PHACTR2: variants seen among roughly 807,000 people sequenced by gnomAD.
PHACTR2 encodes chromosome 6 open reading frame 56.
A neutral mutation model predicts 76.0 loss-of-function variants in PHACTR2; 30 were observed. The ratio of observed to expected loss-of-function variants is 0.39; its 90% CI spans 0.30 to 0.54. The LOEUF (loss-of-function observed/expected upper bound fraction) is 0.54, where lower values mean the gene tolerates loss of function less well. Among genes scored for constraint, PHACTR2 ranks in the 20% least tolerant of loss-of-function variants. The pLI, the probability that PHACTR2 is intolerant of heterozygous loss-of-function variation, is 0.61. For synonymous variants in PHACTR2, 292 were observed against 292.5 expected, an observed-to-expected ratio of 1.00 and a Z score of 0.02; for missense variants, 696 against 781.1, an observed-to-expected ratio of 0.89 and a Z score of 1.30.
rs1776119584 is a variant in PHACTR2, at chr6:143,619,781, C to T, written c.13+11459C>T. ...ACCCTCCATTTTTAAAGCAGCTTGA[C>T]TTGGGGCATTTTTAATAAGGGGATA... On this transcript the variant is annotated intron_variant, in intron 1 of 11. Transcript: ENST00000305766. The surrounding 1 kb of genome is among the most constrained non-coding windows in gnomAD (Gnocchi z 4.5). Among the ~76,000 whole-genome samples, 1 of 152,170 alleles carries T rather than the reference C, an allele frequency of 6.6e-6. No homozygotes were observed. The highest frequency in any genetic ancestry group is 2.4e-5 in the African/African-American group (1 of 41,446).
rs980011312 is a variant in PHACTR2, at chr6:143,710,863, T to A, written c.47-1153T>A. Among the ~76,000 whole-genome samples, 1 of 152,250 alleles carries A rather than the reference T, an allele frequency of 6.6e-6. No individual in the cohort carries two copies. The highest frequency in any genetic ancestry group is 1.5e-5 in the Non-Finnish European group (1 of 68,040). ...ACGCCTCATATGCGTATCTACCAGC[T>A]GGATTCAACACTTAACATTTTGCTA... is the stretch of plus-strand genomic sequence containing the variant. On this transcript the variant is annotated intron_variant, in intron 1 of 12. Transcript: ENST00000440869. This position sits in a 1 kb window ranked among gnomAD's most constrained non-coding sequence, Gnocchi z 4.9.
intron 2 of PHACTR2, among the ~76,000 whole-genome samples, chr6:143,727,744 G>A (rs1258202422): frequency 4.9e-5 from 6 of 122,074 alleles, no homozygotes; most frequent in South Asian, 5.7e-4. Flanking sequence ...CCATTTGTAT[G>A]TGTTTTTGAG....
intron 1 of PHACTR2, among the ~76,000 whole-genome samples, chr6:143,657,751 A>T (rs1227811747): frequency 1.3e-5 from 2 of 152,180 alleles, no homozygotes; most frequent in Non-Finnish European, 2.9e-5. Flanking sequence ...TCTGTCAGTT[A>T]TCTCAAGGTG....
intron 2 of PHACTR2, among the ~76,000 whole-genome samples, chr6:143,734,644 CT>C (rs1250083341): frequency 1.3e-5 from 2 of 152,104 alleles, no homozygotes; most frequent in Admixed American, 6.5e-5. Flanking sequence ...CTTGCTTTCC[CT>C]TTTTTTTCCA....
chr6:143,718,270 TAA>T (rs1778346059), intron 2 of PHACTR2, among the ~76,000 whole-genome samples: 9 of 152,334 alleles, frequency 5.9e-5, no homozygotes, highest in Admixed American at 1.3e-4. Flanking sequence ...TGATTCATAT[TAA>T]CTCACTAAAT....
intron 1 of PHACTR2, among the ~76,000 whole-genome samples, chr6:143,682,947 A>G (rs1413609620): frequency 6.6e-6 from 1 of 152,098 alleles, no homozygotes; most frequent in Non-Finnish European, 1.5e-5. Context: ...AGGTGATCAT[A>G]TGGTTTTTGT....
chr6:143,598,662 A>G lies in PHACTR2; in HGVS notation c.217+61455A>G, dbSNP rs1020292089. Among the ~76,000 whole-genome samples the G allele has an allele frequency of 1.3e-5, 2 of 152,328 alleles. No individual in the cohort carries two copies. The highest frequency in any genetic ancestry group is 2.1e-4 in the South Asian group (1 of 4,830). On this transcript the variant is annotated intron_variant, in intron 1 of 11. Transcript: ENST00000367584. The surrounding 1 kb of genome is among the most constrained non-coding windows in gnomAD (Gnocchi z 4.1). ...CCACATGGCTTCCCCTTCCTGGCCT[A>G]TGTCCCTGTGGATATGTTAGAACCT...
In PHACTR2 at chr6:143,664,099, T is replaced by C. The variant is rs1483156979; in HGVS notation, c.14-47917T>C. Among the ~76,000 whole-genome samples, 4 of 152,166 alleles carry C rather than the reference T, an allele frequency of 2.6e-5. No individual in the cohort carries two copies. The highest frequency in any genetic ancestry group is 5.9e-5 in the Non-Finnish European group (4 of 67,998). On this transcript the variant is annotated intron_variant, in intron 1 of 11. Coordinates refer to the PHACTR2 transcript ENST00000305766. The surrounding 1 kb of genome is among the most constrained non-coding windows in gnomAD (Gnocchi z 5.1). ...GTTCTGATGTCAGGGATATATGAGA[T>C]AATAATTTGAACATCCTGTTAGATT... is the stretch of plus-strand genomic sequence containing the variant.
rs1488928979 is a variant in PHACTR2 at position 143,772,949 on chromosome 6, A to G, written c.1432+492A>G. On this transcript the variant is annotated intron_variant, in intron 7 of 12. Coordinates refer to ENST00000440869, the MANE Select transcript of PHACTR2 (RefSeq NM_001100164.2). This position sits in a 1 kb window ranked among gnomAD's most constrained non-coding sequence, Gnocchi z 5.4. The stretch of plus-strand genomic sequence containing the variant: ...CCTCATTAGCATTAAGAGGCTGGGC[A>G]CGGTGGCTCATGTCTAATTTTGGGA... 6.6e-6 allele frequency among the ~76,000 whole-genome samples: 1 copy of G among 152,238 alleles called. No homozygotes were observed. The highest frequency in any genetic ancestry group is 1.5e-5 in the Non-Finnish European group (1 of 68,042).
Position 143,751,108 on chromosome 6 carries a change from G to C in PHACTR2, c.295+2043G>C, listed in dbSNP as rs775614907. ...GGTAACAACCTCCTTTCTGCTGCCA[G>C]TGAAGATTCATTGTTTGCCTTGATC... On this transcript the variant is annotated intron_variant, in intron 3 of 12. Transcript: ENST00000440869. The surrounding 1 kb of genome is among the most constrained non-coding windows in gnomAD (Gnocchi z 5.7). Among the ~76,000 whole-genome samples, 4 of 152,198 alleles carry C rather than the reference G, an allele frequency of 2.6e-5. No individual in the cohort carries two copies. Among genetic ancestry groups the C allele is most frequent in the Non-Finnish European group, 5.9e-5 (4 of 68,036 alleles).
chr6:143,666,120 A>G (rs1043653024), intron 1 of PHACTR2, among the ~76,000 whole-genome samples: 1 of 149,744 alleles, frequency 6.7e-6, no homozygotes, highest in Admixed American at 6.6e-5. Flanking sequence ...GAGTGAGAAC[A>G]TGTGGTGTTT....
At position 143,761,592 on chromosome 6, in the gene PHACTR2, A is replaced by G. The variant is rs1293311692; in HGVS notation, c.694+952A>G. On this transcript the variant is annotated intron_variant, in intron 5 of 12. Transcript: ENST00000440869. The surrounding 1 kb of genome is among the most constrained non-coding windows in gnomAD (Gnocchi z 5.2). ...AACATGGTGAAACCCTGTCTCTGCT[A>G]AAAATACAAGAATTAGCCAGGCGTC... Among the ~76,000 whole-genome samples the G allele has an allele frequency of 6.6e-6, 1 of 152,102 alleles. No homozygotes were observed. The highest frequency in any genetic ancestry group is 2.4e-5 in the African/African-American group (1 of 41,416).
At position 143,619,262 on chromosome 6, in the gene PHACTR2, C is replaced by T. The variant is rs1638902786; in HGVS notation, c.13+10940C>T. 6.6e-6 allele frequency among the ~76,000 whole-genome samples: 1 copy of T among 152,108 alleles called. No individual in the cohort carries two copies. Among genetic ancestry groups the T allele is most frequent in the African/African-American group, 2.4e-5 (1 of 41,420 alleles). ...GAGCCCTACCAGCCCCACTCCAGAC[C>T]TAGTTAATTCAGAATCTCCCATGGG... On this transcript the variant is annotated intron_variant, in intron 1 of 11. Transcript: ENST00000305766. The surrounding 1 kb of genome is among the most constrained non-coding windows in gnomAD (Gnocchi z 4.5).
Position 143,765,740 on chromosome 6 carries a change from A to C in PHACTR2, c.1174A>C (p.Asn392His). 1 of 1,614,238 alleles carries C rather than the reference A, an allele frequency of 6.2e-7. No homozygotes were observed. The highest frequency in any genetic ancestry group is 8.5e-7 in the Non-Finnish European group (1 of 1,180,042). Residue 392 changes from asparagine to histidine, a missense_variant, in exon 6 of 13, where the codon AAC becomes CAC. Asn to His is a moderately conservative substitution (Grantham distance 68). Coordinates refer to ENST00000440869, the MANE Select transcript of PHACTR2 (RefSeq NM_001100164.2). The surrounding 1 kb of genome is among the most constrained non-coding windows in gnomAD (Gnocchi z 4.1). ...GCTTCTTTGGGCTGAAGAGCCGACGAACAGAACCACTCTCTACTCAGGCAC... is the reference window on the plus strand; with the variant it reads ...GCTTCTTTGGGCTGAAGAGCCGACGCACAGAACCACTCTCTACTCAGGCAC... ...SQLLWAEEPT[N>H]RTTLYSGTGL...
Position 143,678,188 on chromosome 6 carries a change from C to T in PHACTR2, c.25C>T (p.Leu9=). The T allele has an allele frequency of 6.5e-7, 1 of 1,539,056 alleles. No homozygotes were observed. Reference sequence around the variant, plus strand: ...CATGGGCCAGACCTCGGTGTCCACGCTGTCCCCGCAGCCCGGCAGCGGTGA... The same window carrying T: ...CATGGGCCAGACCTCGGTGTCCACGTTGTCCCCGCAGCCCGGCAGCGGTGA... The part of the protein sequence containing the change: MGQTSVST[L]SPQPGSVDGL... The change falls in exon 1 of 13, where the codon CTG becomes TTG. Residue 9 remains leucine (L), a synonymous_variant. Transcript: ENST00000440869. The surrounding 1 kb of genome is among the most constrained non-coding windows in gnomAD (Gnocchi z 6.2).
intron 1 of PHACTR2, among the ~76,000 whole-genome samples, chr6:143,584,034 C>A (rs59861329): frequency 0.011 from 1,729 of 152,306 alleles, 27 homozygotes; most frequent in African/African-American, 0.04. Context: ...GGCAGGCTAT[C>A]TTCCTGAAGT....
Position 143,592,511 on chromosome 6 carries a change from G to A in PHACTR2, c.217+55304G>A, listed in dbSNP as rs1775702510. Among the ~76,000 whole-genome samples the A allele has an allele frequency of 6.6e-6, 1 of 152,100 alleles. No individual in the cohort carries two copies. Among genetic ancestry groups the A allele is most frequent in the African/African-American group, 2.4e-5 (1 of 41,416 alleles). ...CACTAGGACTTGTACTCCAGGGGGC[G>A]CTATTCACATCGACTAATACTCTAT... On this transcript the variant is annotated intron_variant, in intron 1 of 11. Coordinates refer to the PHACTR2 transcript ENST00000367584. This position sits in a 1 kb window ranked among gnomAD's most constrained non-coding sequence, Gnocchi z 4.0.
chr6:143,696,651 C>T lies in PHACTR2; in HGVS notation c.47-15365C>T, dbSNP rs1777777524. Among the ~76,000 whole-genome samples, 1 of 152,112 alleles carries T rather than the reference C, an allele frequency of 6.6e-6. No individual in the cohort carries two copies. The highest frequency in any genetic ancestry group is 2.4e-5 in the African/African-American group (1 of 41,436). Reference sequence around the variant, plus strand: ...TCTGGCACTGGAAGCCCATGTTTTTCCTTTGCAGTACTCACAGGTCTGTGT... The same window carrying T: ...TCTGGCACTGGAAGCCCATGTTTTTTCTTTGCAGTACTCACAGGTCTGTGT... On this transcript the variant is annotated intron_variant, in intron 1 of 12. Transcript: ENST00000440869. The surrounding 1 kb of genome is among the most constrained non-coding windows in gnomAD (Gnocchi z 4.1).
intron 2 of PHACTR2, among the ~76,000 whole-genome samples, chr6:143,718,887 T>TTG (rs1778368075): frequency 7.0e-6 from 1 of 143,628 alleles, no homozygotes; most frequent in African/African-American, 2.6e-5. Context: ...TTTTTTTTTT[T>TTG]TTTTTTTTTT....
Sources: gnomAD v4.1 joint callset for allele counts (sites outside exome capture counted in the v4.1 genomes callset) on GRCh38, gnomAD v4.1.1 for gene constraint, Gnocchi (gnomAD v3.1) non-coding constraint, MANE v1.5 for transcripts, NCBI Gene and HGNC (gene_info 2026-07-23, HGNC 2026-07-21) for gene names.